Variants in GTF2I observed in about 807,000 individuals in gnomAD.
GTF2I encodes general transcription factor II-I.
A neutral mutation model predicts 67.6 loss-of-function variants in GTF2I; 12 were observed. The ratio of observed to expected loss-of-function variants is 0.18; its 90% confidence interval spans 0.11 to 0.29. GTF2I has a LOEUF of 0.29. Ranked by LOEUF, GTF2I falls within the 10% of genes least tolerant of loss-of-function variation. The pLI is 1.00. For missense variants in GTF2I, 271 were observed against 580.1 expected, an observed-to-expected ratio of 0.47 and a Z score of 5.47; for synonymous variants, 149 against 197.0, an observed-to-expected ratio of 0.76 and a Z score of 2.04.
rs12670511 is a variant in GTF2I at position 74,663,220 on chromosome 7, G to A, written c.-6+5152G>A. ...ATAACTGGGGTGGTATAATTAACACGAAATTGTTTTACCACTGGCTTAAAT... is the reference window on the plus strand; with the variant it reads ...ATAACTGGGGTGGTATAATTAACACAAAATTGTTTTACCACTGGCTTAAAT... On this transcript the variant is annotated intron_variant, in intron 1 of 34. Transcript: ENST00000573035. Among the ~76,000 whole-genome samples, 139 of 152,214 alleles carry A rather than the reference G, an allele frequency of 9.1e-4. 2 individuals are homozygous for A. The highest frequency in any genetic ancestry group is 3.2e-3 in the African/African-American group (133 of 41,526).
chr7:74,667,756 A>G (rs1221707614), intron 1 of GTF2I, among the ~76,000 whole-genome samples: 1 of 151,782 alleles, frequency 6.6e-6, no homozygotes, highest in African/African-American at 2.4e-5. Flanking sequence ...GAGCTCAAAC[A>G]ATCTGCCTGC....
intron 1 of GTF2I, among the ~76,000 whole-genome samples, chr7:74,660,731 C>T (rs1208919006): frequency 6.6e-6 from 1 of 150,686 alleles, no homozygotes; most frequent in Non-Finnish European, 1.5e-5. Flanking sequence ...AAGCGATTCT[C>T]CTGCTTCAGA....
chr7:74,728,548 A>G (rs1250085506), intron 12 of GTF2I, among the ~76,000 whole-genome samples: 3 of 96,882 alleles, frequency 3.1e-5, no homozygotes, highest in Non-Finnish European at 6.1e-5. Context: ...AATGAAGCAA[A>G]CTAAAAAATA....
At chr7:74,724,123 T>G (rs1335014437) in intron 12 of GTF2I, among the ~76,000 whole-genome samples, 1 of 152,156 alleles carries the variant, frequency 6.6e-6, no homozygotes, top group Non-Finnish European at 1.5e-5. Context: ...TTGAACACTT[T>G]GTTTTAAATT....
chr7:74,710,813 G>T (rs1485159186), intron 8 of GTF2I, among the ~76,000 whole-genome samples: 1 of 152,162 alleles, frequency 6.6e-6, no homozygotes, highest in Non-Finnish European at 1.5e-5. Flanking sequence ...GCACATAATT[G>T]CAGAATATTA....
chr7:74,674,834 AC>A (rs1554391883), intron 1 of GTF2I, among the ~76,000 whole-genome samples: 1 of 150,816 alleles, frequency 6.6e-6, no homozygotes. Context: ...GGCATGAGCC[AC>A]TATGCCCAGC....
intron 11 of GTF2I, among the ~76,000 whole-genome samples, chr7:74,717,803 A>G (rs1399316746): frequency 6.6e-6 from 1 of 152,186 alleles, no homozygotes; most frequent in African/African-American, 2.4e-5. Flanking sequence ...AAAGTTCCCC[A>G]GTATAGGCTG....
chr7:74,723,099 C>T (rs1211690615), intron 12 of GTF2I, among the ~76,000 whole-genome samples: 2 of 150,114 alleles, frequency 1.3e-5, no homozygotes, highest in Non-Finnish European at 3.0e-5. Flanking sequence ...ATACTGAGCA[C>T]ATTGTATGTA....
At chr7:74,688,820 G>A (rs1787979142) in intron 1 of GTF2I, 1 of 303,336 alleles carries the variant, frequency 3.3e-6, no homozygotes, top group Non-Finnish European at 6.2e-6. Flanking sequence ...GGGCTGTAAA[G>A]TGCCTTGCCT....
chr7:74,662,998 G>C (rs955307217), intron 1 of GTF2I, among the ~76,000 whole-genome samples: 1 of 151,962 alleles, frequency 6.6e-6, no homozygotes, highest in Non-Finnish European at 1.5e-5. Flanking sequence ...TGGCATTTTC[G>C]ATGACCCATA....
chr7:74,718,615 A>C (rs1405359810), intron 11 of GTF2I, among the ~76,000 whole-genome samples: 1 of 152,262 alleles, frequency 6.6e-6, no homozygotes, highest in African/African-American at 2.4e-5. Flanking sequence ...TCATTCCTCC[A>C]AGACTATGGG....
chr7:74,700,659 A>G, intron 6 of GTF2I, 25 bp downstream of exon 6: 1 of 1,610,304 alleles, frequency 6.2e-7, no homozygotes. Context: ...TGCTTCCTTG[A>G]TAGCTGGCTG....
At position 74,692,488 on chromosome 7, in the gene GTF2I, C is replaced by T. The variant is rs181015870; in HGVS notation, c.238+1377C>T. On this transcript the variant is annotated intron_variant, in intron 3 of 34. Transcript: ENST00000573035. ...CCTCCACTCCCTCACAGATACGAGT[C>T]ACCTTATCACAGTCTTCAGTGAGTT... 6.0e-3 allele frequency among the ~76,000 whole-genome samples: 910 copies of T among 152,326 alleles called. 4 individuals are homozygous for T. Among genetic ancestry groups the T allele is most frequent in the Middle Eastern group, 0.01 (3 of 294 alleles).
intron 1 of GTF2I, among the ~76,000 whole-genome samples, chr7:74,663,841 A>G (rs1418253358): frequency 1.3e-5 from 2 of 151,430 alleles, no homozygotes; most frequent in African/African-American, 4.9e-5. Flanking sequence ...ATTATTATTT[A>G]TTTTTGAGAC....
At chr7:74,723,508 G>A (rs1057451796) in intron 12 of GTF2I, among the ~76,000 whole-genome samples, 1 of 136,340 alleles carries the variant, frequency 7.3e-6, no homozygotes, top group African/African-American at 2.8e-5. Flanking sequence ...TCGGTTCTCC[G>A]CAGCCTCCGC....
At chr7:74,688,489 T>C (rs1210041586) in intron 1 of GTF2I, among the ~76,000 whole-genome samples, 6 of 152,100 alleles carry the variant, frequency 3.9e-5, no homozygotes, top group African/African-American at 1.4e-4. Flanking sequence ...GGAGTTTTGC[T>C]CTTGTCACCC....
intron 14 of GTF2I, among the ~76,000 whole-genome samples, chr7:74,730,795 C>T (rs1225101259): frequency 1.4e-4 from 19 of 139,918 alleles, no homozygotes; most frequent in Non-Finnish European, 2.6e-4. Flanking sequence ...CAACCTCCGC[C>T]TCCCGGGTTC....
At chr7:74,717,148 C>T in intron 11 of GTF2I, 198 bp downstream of exon 11, 1 of 564,532 alleles carries the variant, frequency 1.8e-6, no homozygotes, top group Non-Finnish European at 2.8e-6. Flanking sequence ...ATTAATAAAG[C>T]CTATGGGAAT....
chr7:74,698,308 T>G (rs1789221850), intron 3 of GTF2I, among the ~76,000 whole-genome samples: 1 of 150,998 alleles, frequency 6.6e-6, no homozygotes, highest in Non-Finnish European at 1.5e-5. Context: ...ACCAGGACGC[T>G]CTCAATCTCT....
Sources: gnomAD v4.1 joint callset for allele counts (sites outside exome capture counted in the v4.1 genomes callset) on GRCh38, gnomAD v4.1.1 for gene constraint, MANE v1.5 for transcripts, NCBI Gene and HGNC (gene_info 2026-07-23, HGNC 2026-07-21) for gene names.